MAML3: variants seen among roughly 807,000 people sequenced by gnomAD.
MAML3 encodes the protein mastermind-like protein 3.
A neutral mutation model predicts 101.9 loss-of-function variants in MAML3; 27 were observed. The ratio of observed to expected loss-of-function variants is 0.27; its 90% CI spans 0.20 to 0.37. The LOEUF is 0.37. MAML3 is among the 10% of genes least tolerant of loss of function. The pLI, the probability that MAML3 is intolerant of heterozygous loss-of-function variation, is 1.00. For synonymous variants in MAML3, 501 were observed against 555.9 expected, an observed-to-expected ratio of 0.90 and a Z score of 1.39; for missense variants, 1,316 against 1,444.9, an observed-to-expected ratio of 0.91 and a Z score of 1.45.
At chr4:139,975,460 C>T (rs1734313097) in intron 1 of MAML3, among the ~76,000 whole-genome samples, 1 of 152,194 alleles carries the variant, frequency 6.6e-6, no homozygotes, top group South Asian at 2.1e-4. Context: ...CACACACACA[C>T]ACCCCATATA....
rs546031395 is a variant in MAML3, at chr4:140,068,891, C to G, written c.468+83969G>C. Reference sequence around the variant, plus strand: ...TATTAATGTAATTAGGACCCACTACCCTCGCTTTGTCTGGTTTCTATCTTC... The same window carrying G: ...TATTAATGTAATTAGGACCCACTACGCTCGCTTTGTCTGGTTTCTATCTTC... On this transcript the variant is annotated intron_variant, in intron 1 of 4. Coordinates refer to ENST00000509479, the MANE Select transcript of MAML3 (RefSeq NM_018717.5). Among the ~76,000 whole-genome samples the G allele has an allele frequency of 3.3e-5, 5 of 152,200 alleles. No homozygotes were observed. The East Asian group carries it at 9.7e-4, about 29-fold the overall frequency.
At chr4:140,082,323 C>T (rs763548840) in intron 1 of MAML3, among the ~76,000 whole-genome samples, 8 of 152,176 alleles carry the variant, frequency 5.3e-5, no homozygotes, top group Non-Finnish European at 8.8e-5. Flanking sequence ...AAATTCTTCT[C>T]GTTTTCCTTT....
intron 2 of MAML3, among the ~76,000 whole-genome samples, chr4:139,884,620 T>G (rs1732287227): frequency 6.6e-6 from 1 of 152,258 alleles, no homozygotes; most frequent in South Asian, 2.1e-4. Flanking sequence ...CCATTGTTTT[T>G]TGTTTGTCAG....
intron 1 of MAML3, among the ~76,000 whole-genome samples, chr4:140,029,409 C>T (rs2110888929): frequency 6.6e-6 from 1 of 152,298 alleles, no homozygotes; most frequent in South Asian, 2.1e-4. Flanking sequence ...TCCATGCTCA[C>T]ATTTGGATTT....
chr4:139,775,104 C>T (rs1197525136), intron 2 of MAML3, among the ~76,000 whole-genome samples: 1 of 152,168 alleles, frequency 6.6e-6, no homozygotes, highest in African/African-American at 2.4e-5. Context: ...ACTTGGGCTT[C>T]TCATGGCTGC....
At chr4:139,848,387 G>A (rs954638736) in intron 2 of MAML3, among the ~76,000 whole-genome samples, 1 of 152,142 alleles carries the variant, frequency 6.6e-6, no homozygotes, top group African/African-American at 2.4e-5. Context: ...AGATCCAGAA[G>A]CATTAATGCG....
Position 139,973,198 on chromosome 4 carries a change from C to T in MAML3, c.469-82231G>A, listed in dbSNP as rs773734206. 3.0e-4 allele frequency among the ~76,000 whole-genome samples: 45 copies of T among 152,178 alleles called. 1 individual carries two copies. Among genetic ancestry groups the T allele is most frequent in the Non-Finnish European group, 8.8e-5 (6 of 68,030 alleles). On this transcript the variant is annotated intron_variant, in intron 1 of 4. Transcript: ENST00000509479. Reference sequence around the variant, plus strand: ...TGCTATGGTCAACTAAGTTAAGTGACCCAGTCATAGGGCCAGGCCGTGGGT... The same window carrying T: ...TGCTATGGTCAACTAAGTTAAGTGATCCAGTCATAGGGCCAGGCCGTGGGT...
chr4:140,031,871 T>C (rs1726912757), intron 1 of MAML3, among the ~76,000 whole-genome samples: 2 of 152,220 alleles, frequency 1.3e-5, no homozygotes, highest in South Asian at 2.1e-4. Context: ...CTCTGAGATA[T>C]GCTCAAATTC....
intron 1 of MAML3, among the ~76,000 whole-genome samples, chr4:139,996,502 TTTAA>T (rs1168608521): frequency 1.3e-5 from 2 of 152,294 alleles, no homozygotes; most frequent in South Asian, 2.1e-4. Flanking sequence ...TCATTGATCC[TTTAA>T]TTATTATGAA....
chr4:140,071,395 A>T (rs184620084), intron 1 of MAML3, among the ~76,000 whole-genome samples: 5 of 152,258 alleles, frequency 3.3e-5, no homozygotes, highest in Non-Finnish European at 7.4e-5. Context: ...CCAGGCACAG[A>T]TACTTGCCCA....
intron 1 of MAML3, among the ~76,000 whole-genome samples, chr4:139,924,061 G>A (rs1349145778): frequency 6.6e-6 from 1 of 152,072 alleles, no homozygotes; most frequent in Non-Finnish European, 1.5e-5. Context: ...TCTCTTCCTA[G>A]TGTTTGACAT....
intron 1 of MAML3, among the ~76,000 whole-genome samples, chr4:139,899,644 A>G (rs1389087462): frequency 6.6e-6 from 1 of 152,224 alleles, no homozygotes; most frequent in Non-Finnish European, 1.5e-5. Context: ...ATCTATGTGC[A>G]GGGCAGACTA....
intron 2 of MAML3, among the ~76,000 whole-genome samples, chr4:139,856,369 T>C (rs1242285886): frequency 6.6e-6 from 1 of 152,118 alleles, no homozygotes; most frequent in Admixed American, 6.5e-5. Flanking sequence ...GATCCTCCTG[T>C]TGGAAAAAGG....
intron 1 of MAML3, among the ~76,000 whole-genome samples, 180 bp downstream of exon 1, chr4:140,152,680 A>G (rs1445458307): frequency 6.6e-6 from 1 of 151,690 alleles, no homozygotes; most frequent in Non-Finnish European, 1.5e-5. Context: ...ACAGATTAAC[A>G]GGTAGCGACG....
chr4:139,885,794 G>T (rs1401637166), intron 2 of MAML3, among the ~76,000 whole-genome samples: 1 of 149,654 alleles, frequency 6.7e-6, no homozygotes, highest in Non-Finnish European at 1.5e-5. Context: ...TTAGCCAGGC[G>T]TGCCGGCAGG....
chr4:139,728,436 T>C (rs1210931292), intron 3 of MAML3, among the ~76,000 whole-genome samples: 2 of 152,218 alleles, frequency 1.3e-5, no homozygotes, highest in African/African-American at 4.8e-5. Flanking sequence ...AAACATTTTA[T>C]ACACATGATC....
In MAML3 at chr4:140,153,135, C is replaced by T. The variant is rs1729206714; in HGVS notation, c.193G>A (p.Ala65Thr). ...ACGGTGCTGTGCTTGGGAACGGCCG[C>T]CGAACCGCCGCCGGGGCCCCCGGAG... ...GGSGGPGGGS[A>T]AVPKHSTVVE... The change falls in exon 1 of 5, where the codon GCG becomes ACG. Residue 65 changes from alanine to threonine, a missense_variant. Ala to Thr is a moderately conservative substitution (Grantham distance 58, BLOSUM62 0). Transcript: ENST00000509479. 1 of 1,550,006 alleles carries T rather than the reference C, an allele frequency of 6.5e-7. No homozygotes were observed. The highest frequency in any genetic ancestry group is 1.4e-5 in the African/African-American group (1 of 73,046).
intron 1 of MAML3, among the ~76,000 whole-genome samples, chr4:140,086,547 T>C (rs1727955255): frequency 6.6e-6 from 1 of 152,216 alleles, no homozygotes; most frequent in African/African-American, 2.4e-5. Context: ...AAAATATCAA[T>C]TATTTTGCGA....
intron 1 of MAML3, among the ~76,000 whole-genome samples, chr4:140,035,799 C>A (rs1247316329): frequency 2.1e-5 from 3 of 145,324 alleles, no homozygotes; most frequent in Non-Finnish European, 4.7e-5. Context: ...AAAAAAAAAC[C>A]CAAAAACAAA....
Sources: allele counts gnomAD v4.1 joint callset (sites outside exome capture counted in the v4.1 genomes callset), GRCh38; gene constraint gnomAD v4.1.1; transcripts MANE v1.5; gene names NCBI Gene and HGNC (gene_info 2026-07-23, HGNC 2026-07-21).